DNAH6: variants seen among roughly 807,000 people sequenced by gnomAD.
DNAH6 encodes axonemal beta dynein heavy chain 6.
Under a neutral mutation model 491.4 loss-of-function variants are expected in DNAH6, and 340 were observed. That is an observed-to-expected ratio of 0.69 (90% CI 0.63 to 0.76). DNAH6 has a LOEUF of 0.76. Among genes scored for constraint, DNAH6 ranks in the 30% least tolerant of loss-of-function variants. The probability of loss-of-function intolerance (pLI) is 0.00; values close to 1 mark genes in which losing one functional copy is unlikely to be tolerated. For synonymous variants in DNAH6, 1,603 were observed against 1,686.1 expected (o/e 0.95, Z 1.21); for missense variants, 4,443 against 4,972.2 (o/e 0.89, Z 3.20).
At chr2:84,570,789 C>T (rs183893738) in intron 11 of DNAH6, among the ~76,000 whole-genome samples, 7 of 152,168 alleles carry the variant, frequency 4.6e-5, no homozygotes, top group South Asian at 2.1e-4. Flanking sequence ...TCCCCTTCCA[C>T]GCTGTGGAAG....
chr2:84,590,071 C>T lies in DNAH6; in HGVS notation c.2610+1117C>T, dbSNP rs140695792. On this transcript the variant is annotated intron_variant, in intron 16 of 76. Transcript: ENST00000389394. ...CTGAAAATAATGAATTTGATACCAG[C>T]CAATAAGGCTGGTGATACTTGAGGC... Among the ~76,000 whole-genome samples the T allele has an allele frequency of 1.2e-3, 177 of 152,104 alleles. 1 individual carries two copies. The highest frequency in any genetic ancestry group is 4.0e-3 in the African/African-American group (167 of 41,502).
chr2:84,728,356 ACT>A (rs781111924), intron 61 of DNAH6, among the ~76,000 whole-genome samples: 9 of 152,210 alleles, frequency 5.9e-5, no homozygotes, highest in Non-Finnish European at 1.3e-4. Flanking sequence ...CTCTGTGGTG[ACT>A]CTGGTGGCCG....
Position 84,718,168 on chromosome 2 carries a change from A to G in DNAH6, c.9612-36A>G, listed in dbSNP as rs1573589386. The G allele has an allele frequency of 4.1e-6, 6 of 1,465,982 alleles. No homozygotes were observed. The African/African-American group carries it at 5.8e-5, about 14-fold the overall frequency. 90.8% of individuals were successfully genotyped at this position (1,465,982 alleles called of 1,614,324 possible). ...ATAGAAGCAACTTTGAGGCACTGGC[A>G]GAGACATAATTTAGATATCTGAACT... On this transcript the variant is annotated intron_variant, in intron 58 of 76. Transcript: ENST00000389394.
At position 84,653,415 on chromosome 2, in the gene DNAH6, T is replaced by A; in HGVS notation, c.5175T>A (p.Asn1725Lys). ...TTGTGGATGTCATGAATAGACAAAA[T>A]CTTCAGCCTGAGATGTGTATGGTTA... Reference protein sequence around the residue: ...STIVDVMNRQNLQPEMCMVRK... With the variant: ...STIVDVMNRQKLQPEMCMVRK... Residue 1725 changes from asparagine (N) to lysine (K), a missense_variant, in exon 34 of 77, where the codon AAT becomes AAA. This residue lies in a region of DNAH6 where 2,977 missense variants were observed against 3,296.6 expected (regional missense o/e 0.90). Coordinates refer to ENST00000389394, the MANE Select transcript of DNAH6 (RefSeq NM_001370.2). 6.4e-7 allele frequency: 1 copy of A among 1,551,054 alleles called. No homozygotes were observed. The highest frequency in any genetic ancestry group is 1.2e-5 in the South Asian group (1 of 84,032).
intron 16 of DNAH6, among the ~76,000 whole-genome samples, chr2:84,591,925 A>G (rs1684157911): frequency 6.6e-6 from 1 of 152,192 alleles, no homozygotes. Flanking sequence ...CTGAACCCTT[A>G]CACAAAAATC....
chr2:84,757,192 G>A (rs950860377), intron 63 of DNAH6, among the ~76,000 whole-genome samples: 1 of 152,156 alleles, frequency 6.6e-6, no homozygotes, highest in Admixed American at 6.5e-5. Flanking sequence ...AGAGGCACAG[G>A]GAGAAGTTGA....
chr2:84,659,132 T>G lies in DNAH6; in HGVS notation c.6047T>G (p.Phe2016Cys). The G allele has an allele frequency of 6.6e-7, 1 of 1,506,944 alleles. No homozygotes were observed. The highest frequency in any genetic ancestry group is 9.0e-7 in the Non-Finnish European group (1 of 1,114,978). The allele number at this position is 1,506,944 out of a possible 1,614,324, so 93.3% of individuals were successfully genotyped here. A position where few individuals can be genotyped will look rare whatever the true frequency, so the allele number is the denominator to read the frequency against. The change falls in exon 37 of 77, where the codon TTT becomes TGT. Residue 2016 changes from phenylalanine (F) to cysteine (C), a missense_variant. Phe to Cys is a radical substitution (Grantham distance 205). Coordinates refer to ENST00000389394, the MANE Select transcript of DNAH6 (RefSeq NM_001370.2). ...AACTACTATGATTCTTTTGATACATTTATTAGAACACAATTTGATGATAAT... is the reference window on the plus strand; with the variant it reads ...AACTACTATGATTCTTTTGATACATGTATTAGAACACAATTTGATGATAAT... The part of the protein sequence containing the change: ...TENYYDSFDT[F>C]IRTQFDDNPD...
chr2:84,726,477 T>G (rs1211647110), intron 60 of DNAH6, among the ~76,000 whole-genome samples: 1 of 152,190 alleles, frequency 6.6e-6, no homozygotes, highest in Non-Finnish European at 1.5e-5. Context: ...AGAAATTTTT[T>G]GATCTTCCTA....
At chr2:84,686,965 C>T (rs567368552) in intron 44 of DNAH6, among the ~76,000 whole-genome samples, 1 of 152,274 alleles carries the variant, frequency 6.6e-6, no homozygotes. Flanking sequence ...TGGAAGGAAG[C>T]GGAGAGGTCT....
At chr2:84,543,606 C>T (rs1678475367) in intron 4 of DNAH6, among the ~76,000 whole-genome samples, 2 of 152,110 alleles carry the variant, frequency 1.3e-5, no homozygotes, top group Non-Finnish European at 2.9e-5. Context: ...TTCATTGCTT[C>T]ATTTCTTTCT....
chr2:84,547,913 G>T (rs1678933698), intron 7 of DNAH6, among the ~76,000 whole-genome samples: 1 of 102,752 alleles, frequency 9.7e-6, no homozygotes, highest in African/African-American at 2.8e-5. Flanking sequence ...CAGCCTACTA[G>T]CACAGACAAT....
chr2:84,800,495 A>G (rs895074624), intron 70 of DNAH6, among the ~76,000 whole-genome samples: 1 of 152,234 alleles, frequency 6.6e-6, no homozygotes, highest in Non-Finnish European at 1.5e-5. Flanking sequence ...GTTGAAATCC[A>G]ATGCAAAGAA....
chr2:84,519,393 T>C (rs1675916616), intron 2 of DNAH6, among the ~76,000 whole-genome samples: 3 of 152,070 alleles, frequency 2.0e-5, no homozygotes, highest in Non-Finnish European at 4.4e-5. Context: ...AATAAAATAA[T>C]TCATACAATA....
intron 11 of DNAH6, among the ~76,000 whole-genome samples, chr2:84,566,176 C>A (rs1300779814): frequency 1.3e-5 from 2 of 151,854 alleles, no homozygotes; most frequent in Non-Finnish European, 2.9e-5. Context: ...AAATAGAGCT[C>A]CTACCAATAT....
Position 84,706,781 on chromosome 2 carries a change from C to G in DNAH6, c.8728-115C>G, listed in dbSNP as rs565727354. 1.8e-5 allele frequency: 23 copies of G among 1,252,660 alleles called. No homozygotes were observed. The African/African-American group carries it at 3.3e-4, about 18-fold the overall frequency. The allele number at this position is 1,252,660 out of a possible 1,614,324, so 77.6% of individuals were successfully genotyped here. On this transcript the variant is annotated intron_variant, in intron 52 of 76. Transcript: ENST00000389394. ...TTAACTTTATGTATCACATCAAAGT[C>G]TTTTTGGACATGAAAAGAGGAACAT...
intron 12 of DNAH6, among the ~76,000 whole-genome samples, chr2:84,575,200 C>T (rs1455856243): frequency 2.0e-5 from 3 of 152,144 alleles, no homozygotes; most frequent in Non-Finnish European, 2.9e-5. Flanking sequence ...TATCCTCAAA[C>T]GACTACAACA....
chr2:84,721,157 T>C (rs1212596761), intron 59 of DNAH6, among the ~76,000 whole-genome samples: 1 of 152,226 alleles, frequency 6.6e-6, no homozygotes, highest in African/African-American at 2.4e-5. Context: ...TTTCCTTCTC[T>C]TTAGCCCTGG....
Position 84,653,701 on chromosome 2 carries a change from G to A in DNAH6, c.5461G>A (p.Val1821Ile). The change falls in exon 34 of 77, where the codon GTC (valine) becomes ATC (isoleucine). Residue 1821 changes from valine (V) to isoleucine (I), a missense_variant. This residue lies in a region of DNAH6 where 2,977 missense variants were observed against 3,296.6 expected (regional missense o/e 0.90). Transcript: ENST00000389394. ...GAAAGATGGTTTGATGGCACTAAGTGTCCGAGCAGCTGTGAATGATACTTC... is the reference window on the plus strand; with the variant it reads ...GAAAGATGGTTTGATGGCACTAAGTATCCGAGCAGCTGTGAATGATACTTC... ...EWKDGLMALS[V>I]RAAVNDTSED... 6.4e-7 allele frequency: 1 copy of A among 1,551,304 alleles called. No homozygotes were observed. The highest frequency in any genetic ancestry group is 1.4e-5 in the African/African-American group (1 of 73,118).
the DNAH6 span, among the ~76,000 whole-genome samples, chr2:84,486,358 A>G: frequency 1.3e-5 from 2 of 152,192 alleles, no homozygotes; most frequent in African/African-American, 4.8e-5. Flanking sequence ...ATGGTGCCCA[A>G]ATAAATTTGA....
Sources: allele counts gnomAD v4.1 joint callset (sites outside exome capture counted in the v4.1 genomes callset), GRCh38; gene constraint gnomAD v4.1.1; regional missense constraint gnomAD v4.1.1; transcripts MANE v1.5; gene names NCBI Gene and HGNC (gene_info 2026-07-23, HGNC 2026-07-21).